Variants in UNC13B observed in about 807,000 individuals in gnomAD.
UNC13B encodes the protein unc-13 homolog B.
A neutral mutation model predicts 211.0 loss-of-function variants in UNC13B; 144 were observed. The ratio of observed to expected loss-of-function variants is 0.68; its 90% CI spans 0.60 to 0.78. UNC13B has a LOEUF of 0.78. Among genes scored for constraint, UNC13B ranks in the 30% least tolerant of loss-of-function variants. The pLI, the probability that UNC13B is intolerant of heterozygous loss-of-function variation, is 0.00. For synonymous variants in UNC13B, 709 were observed against 725.8 expected, an observed-to-expected ratio of 0.98 and a Z score of 0.37; for missense variants, 1,777 against 2,002.0, an observed-to-expected ratio of 0.89 and a Z score of 2.14.
intron 1 of UNC13B, among the ~76,000 whole-genome samples, chr9:35,188,962 CTTG>C (rs537492555): frequency 1.3e-5 from 2 of 152,276 alleles, no homozygotes; most frequent in South Asian, 4.1e-4. Flanking sequence ...TTTAGACAAC[CTTG>C]CTATACTTTT....
At chr9:35,384,515 GGTTAGT>G in intron 22 of UNC13B, 1 of 985,396 alleles carries the variant, frequency 1.0e-6, no homozygotes, top group Non-Finnish European at 1.2e-6. Flanking sequence ...CAGCAGGTAT[GGTTAGT>G]TTTTATAGAC....
rs1825523352 is a variant in UNC13B at position 35,236,548 on chromosome 9, G to C, written c.232G>C (p.Val78Leu). 1 of 1,614,136 alleles carries C rather than the reference G, an allele frequency of 6.2e-7. No individual in the cohort carries two copies. Among genetic ancestry groups the C allele is most frequent in the Non-Finnish European group, 8.5e-7 (1 of 1,179,994 alleles). Residue 78 changes from valine to leucine, a missense_variant, in exon 4 of 40, where the codon GTG becomes CTG. Val to Leu is a conservative substitution (Grantham distance 32). Coordinates refer to ENST00000635942, the MANE Select transcript of UNC13B (RefSeq NM_001371189.2). Reference sequence around the variant, plus strand: ...GATCTGGGACACCATGGTGGGGACTGTGTGGATTGCGCTGAAGACTATTCG... The same window carrying C: ...GATCTGGGACACCATGGTGGGGACTCTGTGGATTGCGCTGAAGACTATTCG... Reference protein sequence around the residue: ...GLIWDTMVGTVWIALKTIRQS... With the variant: ...GLIWDTMVGTLWIALKTIRQS...
intron 8 of UNC13B, among the ~76,000 whole-genome samples, chr9:35,299,769 C>T (rs1396524073): frequency 6.6e-6 from 1 of 152,128 alleles, no homozygotes; most frequent in Non-Finnish European, 1.5e-5. Flanking sequence ...TCTCATTGAA[C>T]ATGTATTAAA....
chr9:35,308,435 A>G, intron 9 of UNC13B, 23 bp downstream of exon 9: 1 of 398,854 alleles, frequency 2.5e-6, no homozygotes, highest in Admixed American at 4.4e-5. Context: ...CTCAAGCATC[A>G]TAAATGGCTT....
At chr9:35,257,436 C>T (rs758615158) in intron 6 of UNC13B, among the ~76,000 whole-genome samples, 54 of 124,950 alleles carry the variant, frequency 4.3e-4, no homozygotes, top group Admixed American at 1.3e-3. Context: ...TAAATATTAG[C>T]CATGTTTGGT....
At chr9:35,255,022 TATATAATATAATATATATTATATATA>T (rs1564096171) in intron 6 of UNC13B, among the ~76,000 whole-genome samples, 1 of 119,398 alleles carries the variant, frequency 8.4e-6, no homozygotes, top group African/African-American at 3.3e-5. Context: ...AATATATGTA[TATATAATATAATATATATTATATATA>T]ATATAATATA....
chr9:35,207,478 T>TTTTATTTATTTATTTATTTATTTA (rs56280520), intron 1 of UNC13B, among the ~76,000 whole-genome samples: 1 of 142,978 alleles, frequency 7.0e-6, no homozygotes, highest in Admixed American at 7.1e-5. Flanking sequence ...AGAAATTAAT[T>TTTTATTTATTTATTTATTTATTTA]TTTATTTATT....
Position 35,162,128 on chromosome 9 carries a change from C to T in UNC13B, c.-156C>T, listed in dbSNP as rs865981101. 8.6e-7 allele frequency: 1 copy of T among 1,169,298 alleles called. No homozygotes were observed. Among genetic ancestry groups the T allele is most frequent in the Middle Eastern group, 2.7e-4 (1 of 3,660 alleles). 72.4% of individuals were successfully genotyped at this position (1,169,298 alleles called of 1,614,324 possible). ...TCAGACGGTGAGATTTGGGGCGGGT[C>T]CGAGGCAGCGGCGGGACGCTACCTG... On this transcript the variant is annotated 5_prime_UTR_variant, in exon 1 of 40. Transcript: ENST00000635942.
chr9:35,382,548 A>T (rs374629052), intron 21 of UNC13B, 41 bp downstream of exon 21: 1 of 1,562,478 alleles, frequency 6.4e-7, no homozygotes, highest in South Asian at 1.2e-5. Context: ...TTTGTTACCA[A>T]TTAATAAAGT....
intron 6 of UNC13B, among the ~76,000 whole-genome samples, chr9:35,247,413 G>A (rs895656871): frequency 1.1e-4 from 17 of 152,078 alleles, no homozygotes; most frequent in Non-Finnish European, 2.4e-4. Flanking sequence ...GGTGAGAGAG[G>A]GCATCCCTGT....
intron 1 of UNC13B, among the ~76,000 whole-genome samples, chr9:35,172,492 A>C (rs754354614): frequency 1.3e-5 from 2 of 151,900 alleles, no homozygotes; most frequent in African/African-American, 4.8e-5. Flanking sequence ...TTCATATACT[A>C]TATTAGGTGT....
intron 1 of UNC13B, among the ~76,000 whole-genome samples, chr9:35,191,892 T>G (rs1173491993): frequency 6.6e-6 from 1 of 152,232 alleles, no homozygotes; most frequent in Non-Finnish European, 1.5e-5. Flanking sequence ...TAAGGTACCC[T>G]TTCTTTCCAC....
At chr9:35,171,781 C>T (rs745817697) in intron 1 of UNC13B, among the ~76,000 whole-genome samples, 5 of 152,060 alleles carry the variant, frequency 3.3e-5, no homozygotes, top group South Asian at 2.1e-4. Flanking sequence ...CATTGATTTT[C>T]GTTGCTATGT....
At chr9:35,366,870 C>T (rs541616912) in intron 11 of UNC13B, 77 bp from the exon 12 acceptor site, 7 of 1,275,140 alleles carry the variant, frequency 5.5e-6, no homozygotes, top group African/African-American at 2.9e-5. Flanking sequence ...GGCTTGTACT[C>T]TACTGCTCGC....
intron 26 of UNC13B, among the ~76,000 whole-genome samples, chr9:35,393,421 T>C (rs572878803): frequency 6.6e-6 from 1 of 152,106 alleles, no homozygotes; most frequent in African/African-American, 2.4e-5. Flanking sequence ...TAGAGAGAGC[T>C]GGCATGCTTG....
intron 1 of UNC13B, among the ~76,000 whole-genome samples, chr9:35,188,597 A>G (rs1236908462): frequency 1.3e-5 from 2 of 152,224 alleles, no homozygotes; most frequent in Non-Finnish European, 2.9e-5. Context: ...TGAACCATCC[A>G]GAAAGCCAGG....
intron 23 of UNC13B, 124 bp from the exon 24 acceptor site, chr9:35,386,041 A>G: frequency 6.7e-7 from 1 of 1,495,554 alleles, no homozygotes; most frequent in East Asian, 2.3e-5. Flanking sequence ...ATTTCATCAC[A>G]GGGAAAAGTC....
chr9:35,270,805 T>C (rs1168970281), intron 7 of UNC13B, among the ~76,000 whole-genome samples: 2 of 152,130 alleles, frequency 1.3e-5, no homozygotes, highest in Non-Finnish European at 2.9e-5. Context: ...AAGATCGTCT[T>C]TTTGCATGTG....
chr9:35,257,647 A>C (rs1827011985), intron 6 of UNC13B, among the ~76,000 whole-genome samples: 1 of 144,672 alleles, frequency 6.9e-6, no homozygotes. Context: ...CAATTTTGCT[A>C]GTGCTATCAT....
Sources: gnomAD v4.1 joint callset for allele counts (sites outside exome capture counted in the v4.1 genomes callset) on GRCh38, gnomAD v4.1.1 for gene constraint, MANE v1.5 for transcripts, NCBI Gene and HGNC (gene_info 2026-07-23, HGNC 2026-07-21) for gene names.